The following TENM3 variants were observed in gnomAD, a reference collection of about 807,000 sequenced individuals.
TENM3 encodes the protein teneurin-3.
TENM3 carries 63 observed loss-of-function variants against 255.1 expected under a neutral mutation model. The ratio of observed to expected loss-of-function variants is 0.25; its 90% CI spans 0.20 to 0.30. TENM3 has a LOEUF of 0.30. Ranked by LOEUF, TENM3 falls within the 10% of genes least tolerant of loss-of-function variation. The pLI is 1.00. For missense variants in TENM3, 2,929 were observed against 3,461.1 expected, an observed-to-expected ratio of 0.85 and a Z score of 3.86; for synonymous variants, 1,306 against 1,322.3, an observed-to-expected ratio of 0.99 and a Z score of 0.27.
chr4:182,012,198 C>G, the TENM3 span, among the ~76,000 whole-genome samples: 1 of 152,188 alleles, frequency 6.6e-6, no homozygotes, highest in Admixed American at 6.5e-5. Context: ...TTTGCACCAT[C>G]AAGTCATGAG....
chr4:182,281,290 A>C (rs956607401), intron 1 of TENM3, among the ~76,000 whole-genome samples: 5 of 152,200 alleles, frequency 3.3e-5, no homozygotes, highest in African/African-American at 1.2e-4. Flanking sequence ...TTGTCTATGT[A>C]ATTGTCACTT....
chr4:181,586,045 A>G, the TENM3 span, among the ~76,000 whole-genome samples: 1 of 152,198 alleles, frequency 6.6e-6, no homozygotes, highest in Admixed American at 6.5e-5. Context: ...GTTCAGAGGT[A>G]GAACTTACCA....
chr4:182,688,156 T>C lies in TENM3; in HGVS notation c.2036-10T>C. ...TCTCTCCTGTTTTGTGTCCTCTTCC[T>C]CCCACATAGAAATATGTTCTGTGGA... is the stretch of plus-strand genomic sequence containing the variant. On this transcript the variant is annotated splice_polypyrimidine_tract_variant and intron_variant, in intron 11 of 27. Transcript: ENST00000511685. The C allele has an allele frequency of 6.3e-7, 1 of 1,580,522 alleles. No homozygotes were observed. The highest frequency in any genetic ancestry group is 1.7e-4 in the Middle Eastern group (1 of 5,942).
intron 1 of TENM3, among the ~76,000 whole-genome samples, chr4:182,181,234 G>A (rs1209831251): frequency 6.6e-6 from 1 of 152,040 alleles, no homozygotes; most frequent in Non-Finnish European, 1.5e-5. Context: ...TGTTCCCCCT[G>A]AACCTTGAAC....
chr4:182,677,142 GT>G (rs1272810425), intron 7 of TENM3, among the ~76,000 whole-genome samples: 5 of 152,256 alleles, frequency 3.3e-5, no homozygotes, highest in African/African-American at 9.6e-5. Flanking sequence ...GGCAAAGATG[GT>G]TTTAGTGTTA....
At chr4:182,305,276 C>A (rs982311449) in intron 1 of TENM3, among the ~76,000 whole-genome samples, 2 of 152,100 alleles carry the variant, frequency 1.3e-5, no homozygotes, top group Non-Finnish European at 2.9e-5. Context: ...TGAAGGCCAG[C>A]AAGTAAGACA....
At position 182,802,546 on chromosome 4, in the gene TENM3, G is replaced by A. The variant is rs1285171038; in HGVS notation, c.*2195G>A. 1 of 152,638 alleles carries A rather than the reference G, an allele frequency of 6.6e-6. No homozygotes were observed. Among genetic ancestry groups the A allele is most frequent in the Non-Finnish European group, 1.5e-5 (1 of 68,036 alleles). The allele number at this position is 152,638 out of a possible 1,614,324, so 9.5% of individuals were successfully genotyped here. A position where few individuals can be genotyped will look rare whatever the true frequency, so the allele number is the denominator to read the frequency against. On this transcript the variant is annotated 3_prime_UTR_variant, in exon 28 of 28. Transcript: ENST00000511685. ...AGCTTGTGCCACATGACAGAAGTGA[G>A]ATCATAGTCTTAACCTCTTCTTGAC...
chr4:182,727,454 T>TTAAAAAAAA (rs1417479303), intron 13 of TENM3, among the ~76,000 whole-genome samples: 1 of 37,980 alleles, frequency 2.6e-5, no homozygotes, highest in Admixed American at 2.2e-4. Flanking sequence ...AGACTCAGTC[T>TTAAAAAAAA]CAAAAAAAAA....
chr4:182,523,190 G>C (rs961563826), intron 3 of TENM3, among the ~76,000 whole-genome samples: 3 of 136,858 alleles, frequency 2.2e-5, no homozygotes, highest in Non-Finnish European at 4.8e-5. Flanking sequence ...TGGTTTTGTT[G>C]TTGTTGTTGT....
intron 1 of TENM3, among the ~76,000 whole-genome samples, chr4:182,287,070 G>A (rs1409302011): frequency 2.6e-5 from 4 of 152,042 alleles, no homozygotes; most frequent in African/African-American, 7.2e-5. Flanking sequence ...CTACAAAAAA[G>A]TTTAAAAATT....
chr4:182,230,297 G>C (rs1473499450), intron 1 of TENM3, among the ~76,000 whole-genome samples: 2 of 151,896 alleles, frequency 1.3e-5, no homozygotes, highest in East Asian at 3.9e-4. Context: ...ACCTAGGCTC[G>C]CAGAGCATTC....
intron 3 of TENM3, among the ~76,000 whole-genome samples, chr4:182,564,651 A>C: frequency 6.7e-6 from 1 of 150,266 alleles, no homozygotes; most frequent in Admixed American, 6.6e-5. Context: ...TATTGAAGGC[A>C]TATTTGTTTC....
At chr4:182,143,698 C>T (rs1224986315), upstream of TENM3, 1 of 158,688 alleles carries the variant, frequency 6.3e-6, no homozygotes, top group Non-Finnish European at 1.5e-5. The surrounding 1 kb of genome is among the most constrained non-coding windows in gnomAD (Gnocchi z 4.3). Flanking sequence ...CCCCCACGCA[C>T]GTACCCCCAT....
the TENM3 span, among the ~76,000 whole-genome samples, chr4:181,595,042 T>A: frequency 4.6e-5 from 7 of 152,256 alleles, no homozygotes; most frequent in South Asian, 1.0e-3. Context: ...TATTCTCTTT[T>A]CTGAACTACT....
the TENM3 span, among the ~76,000 whole-genome samples, chr4:181,746,442 GGGGTCTGCAGATGATTACAAAGAAT>G: frequency 6.6e-6 from 1 of 152,088 alleles, no homozygotes; most frequent in African/African-American, 2.4e-5. Flanking sequence ...AATGGCCTGG[GGGGTCTGCAGATGATTACAAAGAAT>G]GGCTATAAAT....
chr4:182,260,881 C>T (rs1284268688), intron 1 of TENM3, among the ~76,000 whole-genome samples: 1 of 150,104 alleles, frequency 6.7e-6, no homozygotes, highest in African/African-American at 2.4e-5. Context: ...TATTTTCTTT[C>T]TTTTTTTTTT....
intron 3 of TENM3, among the ~76,000 whole-genome samples, chr4:182,500,800 G>A (rs376365540): frequency 6.6e-6 from 1 of 151,902 alleles, no homozygotes; most frequent in South Asian, 2.1e-4. Context: ...TAAAGTACAC[G>A]GTTTCACATG....
the TENM3 span, among the ~76,000 whole-genome samples, chr4:181,681,599 C>A: frequency 2.6e-5 from 4 of 152,070 alleles, no homozygotes; most frequent in South Asian, 8.3e-4. Flanking sequence ...GATCAGAATT[C>A]TTCTTCACTC....
chr4:182,434,429 A>C (rs1292582858), intron 3 of TENM3, among the ~76,000 whole-genome samples: 1 of 152,136 alleles, frequency 6.6e-6, no homozygotes, highest in Non-Finnish European at 1.5e-5. Flanking sequence ...TTGGGAGGCC[A>C]AGATGGGTGG....
Sources: allele counts gnomAD v4.1 joint callset (sites outside exome capture counted in the v4.1 genomes callset), GRCh38; gene constraint gnomAD v4.1.1; non-coding constraint Gnocchi (gnomAD v3.1); transcripts MANE v1.5; gene names NCBI Gene and HGNC (gene_info 2026-07-23, HGNC 2026-07-21).